USP9X: variants seen among roughly 807,000 people sequenced by gnomAD.
USP9X encodes the protein ubiquitin specific peptidase 9 X-linked, also known as ubiquitin carboxyl-terminal hydrolase 9X.
Under a neutral mutation model 190.3 loss-of-function variants are expected in USP9X, and 7 were observed. That is an observed-to-expected ratio of 0.04 (90% CI 0.02 to 0.07). USP9X has a LOEUF of 0.07. USP9X is among the 10% of genes least tolerant of loss of function. The pLI is 1.00. For synonymous variants in USP9X, 645 were observed against 659.5 expected (o/e 0.98, Z 0.34); for missense variants, 1,010 against 1,916.9 (o/e 0.53, Z 8.83).
At chrX:41,205,159 AAAT>A (rs1423855114) in intron 31 of USP9X, 141 bp from the exon 32 acceptor site, 1 of 371,837 alleles carries the variant, frequency 2.7e-6, no homozygotes, top group African/African-American at 3.6e-5. Context: ...GATAAACACT[AAAT>A]AACTAAAAAT....
intron 31 of USP9X, among the ~76,000 whole-genome samples, chrX:41,201,965 C>T (rs1465202465): frequency 2.7e-5 from 3 of 109,593 alleles, no homozygotes; most frequent in Non-Finnish European, 5.7e-5. Context: ...AGCGAGACTC[C>T]GTCTCAAAAA....
intron 13 of USP9X, among the ~76,000 whole-genome samples, chrX:41,152,429 G>A (rs1247209382): frequency 9.0e-6 from 1 of 111,325 alleles, no homozygotes; most frequent in Non-Finnish European, 1.9e-5. Flanking sequence ...AACAGATTAG[G>A]GTTTCAATGA....
intron 9 of USP9X, among the ~76,000 whole-genome samples, chrX:41,141,927 T>A (rs773160387): frequency 5.4e-4 from 61 of 112,233 alleles, no homozygotes; most frequent in Admixed American, 2.8e-3. Flanking sequence ...TATGAAACTT[T>A]ATGTACCATA....
At chrX:41,114,988 C>T (rs1220968514) in intron 1 of USP9X, among the ~76,000 whole-genome samples, 12 of 108,522 alleles carry the variant, frequency 1.1e-4, no homozygotes, top group Non-Finnish European at 2.1e-4. Context: ...TTTGAGAGGC[C>T]GAGGCGGGTG....
At chrX:41,092,553 A>G (rs2061962222) in intron 1 of USP9X, among the ~76,000 whole-genome samples, 1 of 111,600 alleles carries the variant, frequency 9.0e-6, no homozygotes, top group Non-Finnish European at 1.9e-5. Flanking sequence ...TTTTCTGTAA[A>G]GGGCCACATA....
In USP9X at chrX:41,170,013, C is replaced by T. The variant is rs1391422196; in HGVS notation, c.2655C>T (p.His885=). 8.3e-7 allele frequency: 1 copy of T among 1,211,610 alleles called. No homozygotes were observed. The highest frequency in any genetic ancestry group is 3.0e-5 in the East Asian group (1 of 33,855). Residue 885 remains histidine (H), a synonymous_variant, in exon 19 of 45, where the codon CAC becomes CAT. Transcript: ENST00000378308. ...CCCCCAGAGCATTCCGCGGTAAACA[C>T]CTCTCTTTTGTAGTTCGATTTCCAA... ...LPMSRAFRGK[H]LSFVVRFPNQ...
In USP9X at chrX:41,131,500, G is replaced by T. The variant is rs73480414; in HGVS notation, c.286G>T (p.Val96Leu). 8.1e-5 allele frequency: 98 copies of T among 1,207,655 alleles called. No homozygotes were observed. The African/African-American group carries it at 1.6e-3, about 20-fold the overall frequency. ...VPVLPKGELE[V>L]LLEAAIDLSK... ...AGTTTTGCCGAAAGGGGAATTAGAA[G>T]TGCTTTTAGAAGCTGCTATTGATCT... The change falls in exon 4 of 45, where the codon GTG becomes TTG. Residue 96 changes from valine (V) to leucine (L), a missense_variant. Val to Leu is a conservative substitution (Grantham distance 32). Around this residue, in one of 11 missense-constraint regions of USP9X, gnomAD observed 176 missense variants for 247.5 expected, o/e 0.71. Transcript: ENST00000378308.
Position 41,169,981 on chromosome X carries a change from C to G in USP9X, c.2637-14C>G. On this transcript the variant is annotated splice_polypyrimidine_tract_variant and intron_variant, in intron 18 of 44. Transcript: ENST00000378308. The stretch of plus-strand genomic sequence containing the variant: ...GCTGAATATGATGATGTCTGTCTTT[C>G]TTTTTCCCCCCAGAGCATTCCGCGG... The G allele has an allele frequency of 8.3e-7, 1 of 1,209,147 alleles. No homozygotes were observed.
chrX:41,149,664 A>G (rs941966040), intron 12 of USP9X, among the ~76,000 whole-genome samples: 1 of 110,359 alleles, frequency 9.1e-6, no homozygotes, highest in African/African-American at 3.3e-5. Flanking sequence ...AAGGACATTC[A>G]TTAGTGTTTA....
At chrX:41,152,581 C>T (rs1188298126) in intron 13 of USP9X, among the ~76,000 whole-genome samples, 1 of 111,562 alleles carries the variant, frequency 9.0e-6, no homozygotes, top group Admixed American at 9.5e-5. Context: ...TTCCTTACAA[C>T]TGTAGCATAA....
chrX:41,113,303 C>G (rs2062123187), intron 1 of USP9X, among the ~76,000 whole-genome samples: 1 of 111,326 alleles, frequency 9.0e-6, no homozygotes, highest in African/African-American at 3.3e-5. Flanking sequence ...TGGGTTCACA[C>G]CATTCTCCTG....
intron 9 of USP9X, among the ~76,000 whole-genome samples, chrX:41,142,779 C>T (rs1439377282): frequency 3.6e-5 from 4 of 112,048 alleles, no homozygotes; most frequent in Non-Finnish European, 7.5e-5. Context: ...TATTCCAATT[C>T]TAGCATCTGT....
At chrX:41,133,655 A>AT (rs1160042658) in intron 4 of USP9X, among the ~76,000 whole-genome samples, 5 of 112,097 alleles carry the variant, frequency 4.5e-5, no homozygotes, top group Admixed American at 9.5e-5. Flanking sequence ...CAATTGTTTG[A>AT]TTTTTAGATC....
chrX:41,208,293 G>A (rs985799047), intron 32 of USP9X, among the ~76,000 whole-genome samples: 8 of 112,382 alleles, frequency 7.1e-5, no homozygotes, highest in African/African-American at 6.5e-5. Flanking sequence ...CCAAAGTGCT[G>A]GGATTACAGG....
rs1401762612 is a variant in USP9X at position 41,135,916 on chromosome X, C to T, written c.436-888C>T. On this transcript the variant is annotated intron_variant, in intron 5 of 44. Transcript: ENST00000378308. ...AAAGTGCTGGGATTACAGGTGTGAG[C>T]CCCCATGCCCGGCCTCTGTTCTTTT... Among the ~76,000 whole-genome samples, 5 of 111,151 alleles carry T rather than the reference C, an allele frequency of 4.5e-5. No homozygotes were observed. The East Asian group carries it at 1.4e-3, about 32-fold the overall frequency.
chrX:41,158,985 T>C lies in USP9X; in HGVS notation c.1898-3805T>C, dbSNP rs768470033. On this transcript the variant is annotated intron_variant, in intron 14 of 44. Transcript: ENST00000378308. ...AACCCACAGCTAACCTCATACTAAT[T>C]AATGGTAAAAAACTGGTTGCTTTCC... Among the ~76,000 whole-genome samples the C allele has an allele frequency of 5.6e-4, 63 of 112,024 alleles. 1 individual carries two copies. Among genetic ancestry groups the C allele is most frequent in the Admixed American group, 2.1e-3 (22 of 10,575 alleles).
chrX:41,105,365 T>G (rs1185927729), intron 1 of USP9X, among the ~76,000 whole-genome samples: 2 of 112,044 alleles, frequency 1.8e-5, no homozygotes, highest in Non-Finnish European at 3.8e-5. Context: ...TTTGTGAATT[T>G]GACGACTCCA....
chrX:41,120,325 A>G (rs1247320102), intron 1 of USP9X, among the ~76,000 whole-genome samples: 2 of 112,089 alleles, frequency 1.8e-5, no homozygotes, highest in Admixed American at 1.9e-4. Flanking sequence ...TACTGTATAC[A>G]TTTGTAAGGA....
intron 29 of USP9X, 45 bp downstream of exon 29, chrX:41,197,555 T>C: frequency 2.8e-6 from 3 of 1,081,877 alleles, no homozygotes; most frequent in Non-Finnish European, 3.7e-6. Context: ...CATAACCTTC[T>C]AAATGTTTAT....
Sources: allele counts gnomAD v4.1 joint callset (sites outside exome capture counted in the v4.1 genomes callset), GRCh38; gene constraint gnomAD v4.1.1; regional missense constraint gnomAD v4.1.1; transcripts MANE v1.5; gene names NCBI Gene and HGNC (gene_info 2026-07-23, HGNC 2026-07-21).